The following ARHGAP18 variants were observed in gnomAD, a reference collection of about 807,000 sequenced individuals.
ARHGAP18 encodes the protein Rho GTPase activating protein 18.
A neutral mutation model predicts 86.2 loss-of-function variants in ARHGAP18; 67 were observed. The observed-to-expected ratio is 0.78, with a 90% CI of 0.64 to 0.95. The LOEUF is 0.95. Ranked by LOEUF, ARHGAP18 falls within the 40% of genes least tolerant of loss-of-function variation. ARHGAP18 has a pLI of 0.00. For synonymous variants in ARHGAP18, 283 were observed against 280.4 expected, an observed-to-expected ratio of 1.01 and a Z score of -0.09; for missense variants, 691 against 780.4, an observed-to-expected ratio of 0.89 and a Z score of 1.37.
chr6:129,684,690 A>G (rs1266026405), intron 1 of ARHGAP18, among the ~76,000 whole-genome samples: 1 of 152,200 alleles, frequency 6.6e-6, no homozygotes, highest in Admixed American at 6.5e-5. Context: ...AGTCCATGGG[A>G]ATCATCGTAG....
At chr6:129,655,317 C>CAAAAAAAAAAAAAAAAAAAAA (rs55681217) in intron 1 of ARHGAP18, among the ~76,000 whole-genome samples, 12 of 75,074 alleles carry the variant, frequency 1.6e-4, no homozygotes, top group East Asian at 7.3e-4. Context: ...AAAACTCTCT[C>CAAAAAAAAAAAAAAAAAAAAA]AAAAAAAAAA....
chr6:129,653,474 G>A (rs887762485), intron 1 of ARHGAP18, among the ~76,000 whole-genome samples: 2 of 152,138 alleles, frequency 1.3e-5, no homozygotes, highest in Non-Finnish European at 2.9e-5. Context: ...TATATGCAAG[G>A]TACTAAAAGT....
chr6:129,708,435 C>T (rs1774838937), intron 1 of ARHGAP18, among the ~76,000 whole-genome samples: 1 of 152,184 alleles, frequency 6.6e-6, no homozygotes, highest in African/African-American at 2.4e-5. Flanking sequence ...TCAACCCACT[C>T]AAGTATGGGC....
At chr6:129,709,839 T>C (rs1355079332) in intron 1 of ARHGAP18, among the ~76,000 whole-genome samples, 185 bp downstream of exon 1, 1 of 152,242 alleles carries the variant, frequency 6.6e-6, no homozygotes, top group Non-Finnish European at 1.5e-5. Flanking sequence ...TATGGGTTAT[T>C]TCAGACTTGG....
intron 5 of ARHGAP18, among the ~76,000 whole-genome samples, chr6:129,626,806 A>G (rs1789485107): frequency 6.6e-6 from 1 of 152,116 alleles, no homozygotes; most frequent in East Asian, 1.9e-4. Context: ...ACTTAGGATG[A>G]AGCAAACATG....
chr6:129,686,285 C>T (rs1389898138), intron 1 of ARHGAP18, among the ~76,000 whole-genome samples: 1 of 152,154 alleles, frequency 6.6e-6, no homozygotes, highest in Non-Finnish European at 1.5e-5. Context: ...GTTCCTCAGC[C>T]ACTTTCTCCT....
intron 1 of ARHGAP18, among the ~76,000 whole-genome samples, chr6:129,645,922 A>C (rs1259572147): frequency 6.6e-6 from 1 of 152,148 alleles, no homozygotes; most frequent in Non-Finnish European, 1.5e-5. Flanking sequence ...GGTATATGCT[A>C]TCCCATTTTC....
At chr6:129,599,384 G>A in intron 11 of ARHGAP18, 28 bp from the exon 12 acceptor site, 1 of 1,429,616 alleles carries the variant, frequency 7.0e-7, no homozygotes, top group South Asian at 1.6e-5. Flanking sequence ...TAAGCTTAGA[G>A]AGGAAAAAGA....
chr6:129,626,063 T>TACAC (rs1220136567), intron 5 of ARHGAP18, among the ~76,000 whole-genome samples: 54 of 28,382 alleles, frequency 1.9e-3, no homozygotes, highest in South Asian at 0.017. Context: ...TATATACACA[T>TACAC]ATACACACAC....
chr6:129,599,109 C>T, intron 12 of ARHGAP18, 107 bp downstream of exon 12: 2 of 922,314 alleles, frequency 2.2e-6, no homozygotes, highest in Middle Eastern at 3.6e-4. Flanking sequence ...AGCACCACAG[C>T]CTAATAAGTG....
chr6:129,686,259 A>G (rs549183559), intron 1 of ARHGAP18, among the ~76,000 whole-genome samples: 2 of 152,040 alleles, frequency 1.3e-5, no homozygotes, highest in Admixed American at 1.3e-4. Flanking sequence ...AAACCCTCCT[A>G]CCATGGCTGC....
At chr6:129,698,315 G>C (rs1172850127) in intron 1 of ARHGAP18, among the ~76,000 whole-genome samples, 1 of 152,020 alleles carries the variant, frequency 6.6e-6, no homozygotes, top group Non-Finnish European at 1.5e-5. Flanking sequence ...AAGCCTTTCT[G>C]AGTTACCCAA....
At position 129,625,258 on chromosome 6, in the gene ARHGAP18, TGA is replaced by T. The variant is rs1304593634; in HGVS notation, c.786+4093_786+4094del. ...GATATATATTTATATGTAATATATA[TGA>T]TATATGATATATATTTATATGTAAT... is the stretch of plus-strand genomic sequence containing the variant. On this transcript the variant is annotated intron_variant, in intron 5 of 14. Transcript: ENST00000368149. Among the ~76,000 whole-genome samples, 3 of 85,964 alleles carry T rather than the reference TGA, an allele frequency of 3.5e-5. 1 individual carries two copies. Among genetic ancestry groups the T allele is most frequent in the African/African-American group, 4.8e-5 (1 of 20,936 alleles). The allele number at this position is 85,964 out of a possible 152,430, so 56.4% of individuals were successfully genotyped here. A position where few individuals can be genotyped will look rare whatever the true frequency, so the allele number is the denominator to read the frequency against.
At chr6:129,706,885 C>CGAA (rs1774810522) in intron 1 of ARHGAP18, among the ~76,000 whole-genome samples, 1 of 61,020 alleles carries the variant, frequency 1.6e-5, no homozygotes, top group Non-Finnish European at 3.0e-5. Flanking sequence ...GACTCTGTCT[C>CGAA]AAAAAAAAAA....
In ARHGAP18 at chr6:129,668,362, T is replaced by TCACACACACAAACACACACACA. The variant is rs748770270; in HGVS notation, c.114-26345_114-26344insTGTGTGTGTGTTTGTGTGTGTG. On this transcript the variant is annotated intron_variant, in intron 1 of 14. Transcript: ENST00000368149. ...CCAAACCATCAATTTACCCAAATAA[T>TCACACACACAAACACACACACA]CACACACACACACACACACACACAC... is the stretch of plus-strand genomic sequence containing the variant. Among the ~76,000 whole-genome samples the TCACACACACAAACACACACACA allele has an allele frequency of 5.8e-5, 8 of 137,848 alleles. No homozygotes were observed. The Admixed American group carries it at 5.9e-4, about 10-fold the overall frequency. The allele number at this position is 137,848 out of a possible 152,430, so 90.4% of individuals were successfully genotyped here.
chr6:129,610,057 C>T (rs564728473), intron 8 of ARHGAP18, among the ~76,000 whole-genome samples: 68 of 152,312 alleles, frequency 4.5e-4, no homozygotes, highest in African/African-American at 1.6e-3. Context: ...AAGAGAGATT[C>T]TCTCTCTTTT....
chr6:129,673,323 A>G (rs1374360894), intron 1 of ARHGAP18, among the ~76,000 whole-genome samples: 1 of 150,802 alleles, frequency 6.6e-6, no homozygotes, highest in African/African-American at 2.4e-5. Context: ...AGCCATCTGC[A>G]GCTTGCTTCC....
chr6:129,680,509 G>A (rs1584110149), intron 1 of ARHGAP18, among the ~76,000 whole-genome samples: 1 of 152,204 alleles, frequency 6.6e-6, no homozygotes, highest in East Asian at 1.9e-4. Context: ...CTTTCGAACA[G>A]CTCCTGTAAC....
chr6:129,682,015 A>G (rs1774332204), intron 1 of ARHGAP18, among the ~76,000 whole-genome samples: 1 of 152,222 alleles, frequency 6.6e-6, no homozygotes, highest in Non-Finnish European at 1.5e-5. Context: ...TATTAAATTT[A>G]TAATTTAACA....
Sources: allele counts gnomAD v4.1 joint callset (sites outside exome capture counted in the v4.1 genomes callset), GRCh38; gene constraint gnomAD v4.1.1; transcripts MANE v1.5; gene names NCBI Gene and HGNC (gene_info 2026-07-23, HGNC 2026-07-21).